SH2D3C: variants seen among roughly 807,000 people sequenced by gnomAD.
The protein encoded by SH2D3C is SH2 domain-containing protein 3C.
SH2D3C carries 25 observed loss-of-function variants against 75.2 expected under a neutral mutation model. That is an observed-to-expected ratio of 0.33 (90% CI 0.24 to 0.46). The LOEUF is 0.46. SH2D3C is among the 20% of genes least tolerant of loss of function. The probability of loss-of-function intolerance (pLI) is 1.00; values close to 1 mark genes in which losing one functional copy is unlikely to be tolerated. For synonymous variants in SH2D3C, 450 were observed against 473.7 expected (o/e 0.95, Z 0.65); for missense variants, 933 against 1,165.3 (o/e 0.80, Z 2.90).
Position 127,774,379 on chromosome 9 carries a change from C to G in SH2D3C, c.126G>C (p.Gln42His). The change falls in exon 2 of 12, where the codon CAG (glutamine) becomes CAC (histidine). Residue 42 changes from glutamine to histidine, a missense_variant. Gln to His is a conservative substitution (Grantham distance 24, BLOSUM62 0). Transcript: ENST00000314830. This position sits in a 1 kb window ranked among gnomAD's most constrained non-coding sequence, Gnocchi z 4.3. ...LRRSSASISR[Q>H]SHLEPDTFEA... is the part of the protein sequence containing the mutation. ...CAAAGGTGTCAGGCTCCAAATGGGACTGCCTACTGATGGAAGCTGAGGATC... is the reference window on the plus strand; with the variant it reads ...CAAAGGTGTCAGGCTCCAAATGGGAGTGCCTACTGATGGAAGCTGAGGATC... The G allele has an allele frequency of 1.2e-6, 2 of 1,613,834 alleles. No homozygotes were observed. The highest frequency in any genetic ancestry group is 1.7e-6 in the Non-Finnish European group (2 of 1,179,854).
chr9:127,747,045 C>A (rs763177252), intron 6 of SH2D3C, 102 bp downstream of exon 6: 1 of 1,202,892 alleles, frequency 8.3e-7, no homozygotes, highest in Non-Finnish European at 1.2e-6. Flanking sequence ...GTAAAGGTCG[C>A]GCCTCATAAA....
rs1845149211 is a variant in SH2D3C at position 127,749,959 on chromosome 9, G to A, written c.685-294C>T. On this transcript the variant is annotated intron_variant, in intron 4 of 11. Coordinates refer to ENST00000314830, the MANE Select transcript of SH2D3C (RefSeq NM_170600.3). The surrounding 1 kb of genome is among the most constrained non-coding windows in gnomAD (Gnocchi z 5.9). ...CCCAGGGTCTGGAGGAGTGAGAATG[G>A]CTGTGACCTGAGACCCAGGTCTCAG... Among the ~76,000 whole-genome samples, 1 of 152,002 alleles carries A rather than the reference G, an allele frequency of 6.6e-6. No homozygotes were observed. Among genetic ancestry groups the A allele is most frequent in the African/African-American group, 2.4e-5 (1 of 41,372 alleles).
At chr9:127,753,337 G>A (rs1036369989) in intron 3 of SH2D3C, among the ~76,000 whole-genome samples, 2 of 150,520 alleles carry the variant, frequency 1.3e-5, no homozygotes, top group African/African-American at 5.0e-5. Flanking sequence ...ACTCCTGGCC[G>A]AGATCCTAGA....
chr9:127,773,909 C>G, intron 2 of SH2D3C, 81 bp downstream of exon 2: 1 of 820,158 alleles, frequency 1.2e-6, no homozygotes, highest in South Asian at 1.8e-5. Flanking sequence ...CAGAGCGACA[C>G]TCTGTGTCAA....
At chr9:127,761,677 T>A (rs1392512521) in intron 2 of SH2D3C, 27 bp from the exon 3 acceptor site, 2 of 1,603,460 alleles carry the variant, frequency 1.2e-6, no homozygotes, top group Admixed American at 3.4e-5. Context: ...CAAGTGAGCA[T>A]CCCCAGCCCT....
At chr9:127,764,924 G>T (rs1201372725) in intron 2 of SH2D3C, among the ~76,000 whole-genome samples, 1 of 152,076 alleles carries the variant, frequency 6.6e-6, no homozygotes, top group Non-Finnish European at 1.5e-5. Flanking sequence ...GGCCAGGCTG[G>T]TCTTGAACTC....
chr9:127,758,081 G>A (rs1324396082), intron 3 of SH2D3C, among the ~76,000 whole-genome samples: 1 of 152,066 alleles, frequency 6.6e-6, no homozygotes, highest in Non-Finnish European at 1.5e-5. Context: ...CCCCCAAAGT[G>A]CTGGGATTAC....
In SH2D3C at chr9:127,778,605, G is replaced by A; in HGVS notation, c.23C>T (p.Thr8Ile). Residue 8 changes from threonine (T) to isoleucine (I), a missense_variant, in exon 1 of 12, where the codon ACC (threonine) becomes ATC (isoleucine). Thr to Ile is a moderately conservative substitution (Grantham distance 89). Coordinates refer to ENST00000314830, the MANE Select transcript of SH2D3C (RefSeq NM_170600.3). ...CCCACACTCACTGAACTTTTTGCTG[G>A]TCTTCTTGGTCCCCTCTGTCATCTT... MTEGTKK[T>I]SKKFKFFKFK... 1 of 1,613,946 alleles carries A rather than the reference G, an allele frequency of 6.2e-7. No homozygotes were observed. The highest frequency in any genetic ancestry group is 8.5e-7 in the Non-Finnish European group (1 of 1,179,808).
At chr9:127,773,516 AAACAGT>A (rs1845766997) in intron 2 of SH2D3C, among the ~76,000 whole-genome samples, 1 of 152,170 alleles carries the variant, frequency 6.6e-6, no homozygotes, top group African/African-American at 2.4e-5. Context: ...TGTCCTGTGG[AAACAGT>A]AACAGTCTCT....
intron 2 of SH2D3C, 35 bp from the exon 3 acceptor site, chr9:127,761,685 C>A: frequency 1.3e-6 from 2 of 1,594,762 alleles, no homozygotes; most frequent in East Asian, 4.5e-5. Context: ...CATCCCCAGC[C>A]CTGCTTGGCT....
chr9:127,768,037 C>A (rs1263129020), intron 2 of SH2D3C, among the ~76,000 whole-genome samples: 1 of 152,174 alleles, frequency 6.6e-6, no homozygotes, highest in Non-Finnish European at 1.5e-5. Context: ...CAGCCCAAGG[C>A]GTCCGGGGGT....
intron 6 of SH2D3C, among the ~76,000 whole-genome samples, chr9:127,745,790 C>T (rs370620589): frequency 5.3e-5 from 8 of 152,042 alleles, no homozygotes; most frequent in South Asian, 2.1e-4. Flanking sequence ...CCACCATGCC[C>T]GGCCTGAATT....
At chr9:127,771,337 GAGACTGACCTGT>G in intron 2 of SH2D3C, 1 of 1,399,438 alleles carries the variant, frequency 7.1e-7, no homozygotes, top group East Asian at 2.9e-5. Flanking sequence ...TCCGGGGGCG[GAGACTGACCTGT>G]AGACCACGCC....
chr9:127,740,417 G>C (rs1844820775), intron 9 of SH2D3C, 48 bp from the exon 10 acceptor site: 2 of 1,416,072 alleles, frequency 1.4e-6, no homozygotes, highest in Admixed American at 1.7e-5. Context: ...GGGCCTGCAG[G>C]GGCCACCCTG....
intron 1 of SH2D3C, among the ~76,000 whole-genome samples, chr9:127,775,870 C>T (rs970487764): frequency 1.3e-5 from 2 of 151,662 alleles, no homozygotes; most frequent in Non-Finnish European, 2.9e-5. Context: ...GCTCTGTCAC[C>T]CAGGCTGGAG....
At chr9:127,755,455 G>A (rs895243990) in intron 3 of SH2D3C, among the ~76,000 whole-genome samples, 3 of 152,202 alleles carry the variant, frequency 2.0e-5, no homozygotes. Flanking sequence ...GGCGCGGAGC[G>A]GAGGACCTGC....
In SH2D3C at chr9:127,749,809, A is replaced by T; in HGVS notation, c.685-144T>A. 1 of 630,598 alleles carries T rather than the reference A, an allele frequency of 1.6e-6. No individual in the cohort carries two copies. Among genetic ancestry groups the T allele is most frequent in the Non-Finnish European group, 2.8e-6 (1 of 353,546 alleles). The allele number at this position is 630,598 out of a possible 1,614,324, so 39.1% of individuals were successfully genotyped here. ...AGGACCCAATGAACAGAGACATCTG[A>T]CATCTGAGAGCGGGGATGCAATGAC... On this transcript the variant is annotated intron_variant, in intron 4 of 11. Coordinates refer to ENST00000314830, the MANE Select transcript of SH2D3C (RefSeq NM_170600.3). This position sits in a 1 kb window ranked among gnomAD's most constrained non-coding sequence, Gnocchi z 5.9.
In SH2D3C at chr9:127,749,367, A is replaced by G; in HGVS notation, c.983T>C (p.Leu328Pro). ...CTGTCCCAGGCCATAGCTGGCCTCG[A>G]GGTAGCGCAGTGGGAAGGTGCGGTT... ...PVNRTFPLRY[L>P]EASYGLGQGS... The change falls in exon 5 of 12, where the codon CTC (leucine) becomes CCC (proline). Residue 328 changes from leucine to proline, a missense_variant. Transcript: ENST00000314830. The surrounding 1 kb of genome is among the most constrained non-coding windows in gnomAD (Gnocchi z 5.9). 1 of 1,613,910 alleles carries G rather than the reference A, an allele frequency of 6.2e-7. No individual in the cohort carries two copies. The highest frequency in any genetic ancestry group is 8.5e-7 in the Non-Finnish European group (1 of 1,179,994).
rs779951056 is a variant in SH2D3C at position 127,774,143 on chromosome 9, T to C, written c.362A>G (p.Lys121Arg). Residue 121 changes from lysine (K) to arginine (R), a missense_variant, in exon 2 of 12, where the codon AAA becomes AGA. Lys to Arg is a conservative substitution (Grantham distance 26, BLOSUM62 2). Transcript: ENST00000314830. This position sits in a 1 kb window ranked among gnomAD's most constrained non-coding sequence, Gnocchi z 4.3. ...VPDPPGLEAA[K>R]EVMVKATGPL... ...GCCAGTGGCCTTCACCATCACCTCT[T>C]TGGCTGCCTCCAAGCCTGGGGGGTC... 10 of 1,614,002 alleles carry C rather than the reference T, an allele frequency of 6.2e-6. No homozygotes were observed. The South Asian group carries it at 1.1e-4, about 18-fold the overall frequency.
Sources: gnomAD v4.1 joint callset for allele counts (sites outside exome capture counted in the v4.1 genomes callset) on GRCh38, gnomAD v4.1.1 for gene constraint, Gnocchi (gnomAD v3.1) non-coding constraint, MANE v1.5 for transcripts, NCBI Gene and HGNC (gene_info 2026-07-23, HGNC 2026-07-21) for gene names.